Variants in KCNQ5 observed in about 807,000 individuals in gnomAD.
KCNQ5 encodes potassium voltage-gated channel subfamily KQT member 5.
Under a neutral mutation model 98.2 loss-of-function variants are expected in KCNQ5, and 30 were observed. That is an observed-to-expected ratio of 0.31 (90% CI 0.23 to 0.41). The LOEUF (loss-of-function observed/expected upper bound fraction) is 0.41, where lower values mean the gene tolerates loss of function less well. KCNQ5 is among the 10% of genes least tolerant of loss of function. The probability of loss-of-function intolerance (pLI) is 1.00; values close to 1 mark genes in which losing one functional copy is unlikely to be tolerated. For synonymous variants in KCNQ5, 458 were observed against 449.4 expected (o/e 1.02, Z -0.24); for missense variants, 835 against 1,182.5 (o/e 0.71, Z 4.31).
At chr6:73,111,917 C>G (rs1454502230) in intron 7 of KCNQ5, among the ~76,000 whole-genome samples, 5 of 152,152 alleles carry the variant, frequency 3.3e-5, no homozygotes, top group Admixed American at 3.3e-4. Context: ...ATTTTGAGAG[C>G]TGATGGGACT....
At chr6:73,052,642 C>T (rs562199385) in intron 3 of KCNQ5, among the ~76,000 whole-genome samples, 1 of 152,262 alleles carries the variant, frequency 6.6e-6, no homozygotes, top group African/African-American at 2.4e-5. Context: ...CCAAACTAAG[C>T]TTCATAAATG....
intron 5 of KCNQ5, among the ~76,000 whole-genome samples, chr6:73,093,924 G>A (rs1774361279): frequency 1.3e-5 from 2 of 152,034 alleles, no homozygotes; most frequent in African/African-American, 2.4e-5. Context: ...AAGTCTATTT[G>A]TTCCAAGGTA....
At chr6:73,069,381 T>C (rs1773207719) in intron 3 of KCNQ5, among the ~76,000 whole-genome samples, 1 of 152,198 alleles carries the variant, frequency 6.6e-6, no homozygotes. Context: ...TTAAACTATA[T>C]TGTTTTTAAG....
At chr6:72,886,848 C>CA (rs1778864225) in intron 1 of KCNQ5, among the ~76,000 whole-genome samples, 2 of 151,966 alleles carry the variant, frequency 1.3e-5, no homozygotes, top group South Asian at 4.1e-4. Context: ...TTGGTCATTC[C>CA]AAAAAATAAA....
At chr6:73,010,378 G>T (rs1770007372) in intron 2 of KCNQ5, among the ~76,000 whole-genome samples, 1 of 151,756 alleles carries the variant, frequency 6.6e-6, no homozygotes, top group Admixed American at 6.6e-5. Context: ...CATGATAAAA[G>T]CCACATATGA....
chr6:72,718,651 A>C (rs951070604), intron 1 of KCNQ5, among the ~76,000 whole-genome samples: 2 of 151,730 alleles, frequency 1.3e-5, no homozygotes, highest in African/African-American at 4.8e-5. Context: ...GGGTTTCACC[A>C]TGTTGGCCAG....
At chr6:72,948,184 C>T (rs745825626) in intron 1 of KCNQ5, among the ~76,000 whole-genome samples, 7 of 151,952 alleles carry the variant, frequency 4.6e-5, no homozygotes, top group Non-Finnish European at 1.0e-4. Context: ...AACAATAGCA[C>T]AAATTTGAAG....
At chr6:72,836,351 A>G (rs1371116408) in intron 1 of KCNQ5, among the ~76,000 whole-genome samples, 1 of 152,168 alleles carries the variant, frequency 6.6e-6, no homozygotes, top group Non-Finnish European at 1.5e-5. Context: ...TGATTATGTG[A>G]CCCTCAGATA....
intron 1 of KCNQ5, among the ~76,000 whole-genome samples, chr6:72,910,969 C>G (rs1275475513): frequency 6.6e-6 from 1 of 152,118 alleles, no homozygotes; most frequent in African/African-American, 2.4e-5. Context: ...CAAAGAAGCT[C>G]ACACACAGGG....
intron 1 of KCNQ5, among the ~76,000 whole-genome samples, chr6:72,644,083 A>C (rs545462498): frequency 1.3e-5 from 2 of 152,262 alleles, no homozygotes; most frequent in African/African-American, 4.8e-5. Flanking sequence ...TTTGTAAATT[A>C]AAAAATACAC....
intron 1 of KCNQ5, among the ~76,000 whole-genome samples, chr6:72,883,310 G>A (rs1778717383): frequency 6.6e-6 from 1 of 152,032 alleles, no homozygotes; most frequent in African/African-American, 2.4e-5. Context: ...GAACAATGTT[G>A]TTGTTGTTGT....
intron 10 of KCNQ5, among the ~76,000 whole-genome samples, chr6:73,150,007 GAAA>G (rs60083203): frequency 1.5e-5 from 2 of 135,474 alleles, no homozygotes; most frequent in African/African-American, 5.1e-5. Flanking sequence ...CACCACAGGG[GAAA>G]AAAAAAAAAA....
intron 2 of KCNQ5, among the ~76,000 whole-genome samples, chr6:73,032,479 T>C (rs1771195203): frequency 6.6e-6 from 1 of 152,158 alleles, no homozygotes; most frequent in Non-Finnish European, 1.5e-5. Context: ...CATGTAGTTC[T>C]TAAGAGGAAG....
intron 1 of KCNQ5, among the ~76,000 whole-genome samples, chr6:72,634,492 A>T (rs1424996134): frequency 1.3e-5 from 2 of 152,200 alleles, no homozygotes; most frequent in Non-Finnish European, 2.9e-5. Flanking sequence ...AAACCAAAGT[A>T]CCCTCTTTTT....
chr6:72,909,919 G>A (rs1469894988), intron 1 of KCNQ5, among the ~76,000 whole-genome samples: 1 of 152,094 alleles, frequency 6.6e-6, no homozygotes, highest in Non-Finnish European at 1.5e-5. Flanking sequence ...CACTTTTACT[G>A]GATAAAACAA....
chr6:72,933,429 G>T (rs191838831), intron 1 of KCNQ5, among the ~76,000 whole-genome samples: 79 of 152,264 alleles, frequency 5.2e-4, no homozygotes, highest in African/African-American at 1.9e-3. Context: ...GTCTGTTGGC[G>T]GTGGAGGGGA....
At chr6:72,807,349 G>A (rs955075228) in intron 1 of KCNQ5, among the ~76,000 whole-genome samples, 1 of 151,950 alleles carries the variant, frequency 6.6e-6, no homozygotes, top group Non-Finnish European at 1.5e-5. Context: ...AAAAGTAATT[G>A]ATTGATTTAT....
chr6:72,935,235 T>C (rs1765863281), intron 1 of KCNQ5, among the ~76,000 whole-genome samples: 1 of 151,922 alleles, frequency 6.6e-6, no homozygotes, highest in African/African-American at 2.4e-5. Flanking sequence ...CACGCCCAGC[T>C]AATTTTTGTA....
At chr6:72,673,129 C>T (rs1010810399) in intron 1 of KCNQ5, among the ~76,000 whole-genome samples, 1 of 152,162 alleles carries the variant, frequency 6.6e-6, no homozygotes, top group Non-Finnish European at 1.5e-5. Context: ...GTCCCATTGC[C>T]TGGGGATAGC....
Sources: gnomAD v4.1 joint callset for allele counts (sites outside exome capture counted in the v4.1 genomes callset) on GRCh38, gnomAD v4.1.1 for gene constraint, MANE v1.5 for transcripts, NCBI Gene and HGNC (gene_info 2026-07-23, HGNC 2026-07-21) for gene names.